The following TNS3 variants were observed in gnomAD, a reference collection of about 807,000 sequenced individuals.
TNS3 encodes tensin 3.
Under a neutral mutation model 140.9 loss-of-function variants are expected in TNS3, and 45 were observed. The ratio of observed to expected loss-of-function variants is 0.32; its 90% confidence interval spans 0.25 to 0.41. The LOEUF (loss-of-function observed/expected upper bound fraction) is 0.41. Ranked by LOEUF, TNS3 falls within the 10% of genes least tolerant of loss-of-function variation. The pLI, the probability that TNS3 is intolerant of heterozygous loss-of-function variation, is 1.00. For synonymous variants in TNS3, 815 were observed against 788.4 expected, an observed-to-expected ratio of 1.03 and a Z score of -0.56; for missense variants, 1,716 against 1,906.7, an observed-to-expected ratio of 0.90 and a Z score of 1.86.
chr7:47,339,733 A>G (rs1788839554), intron 20 of TNS3, among the ~76,000 whole-genome samples: 1 of 152,118 alleles, frequency 6.6e-6, no homozygotes, highest in Non-Finnish European at 1.5e-5. Flanking sequence ...AATCTTGCTG[A>G]GATTTTGATA....
chr7:47,432,694 A>C (rs1459306436), intron 8 of TNS3, among the ~76,000 whole-genome samples: 1 of 152,226 alleles, frequency 6.6e-6, no homozygotes, highest in African/African-American at 2.4e-5. Flanking sequence ...CTACCCCTGC[A>C]TTGTGGGTGG....
intron 4 of TNS3, among the ~76,000 whole-genome samples, chr7:47,448,466 T>A (rs1795857327): frequency 7.0e-6 from 1 of 142,844 alleles, no homozygotes. Flanking sequence ...CCAACTCTGG[T>A]GGGAATTCGA....
At chr7:47,366,250 T>C (rs1036727985) in intron 17 of TNS3, among the ~76,000 whole-genome samples, 1 of 152,210 alleles carries the variant, frequency 6.6e-6, no homozygotes, top group African/African-American at 2.4e-5. Context: ...ACTGCTACCC[T>C]GCTGTGGTGT....
At chr7:47,444,255 C>T (rs1234351035) in intron 4 of TNS3, among the ~76,000 whole-genome samples, 3 of 152,216 alleles carry the variant, frequency 2.0e-5, no homozygotes, top group Non-Finnish European at 4.4e-5. Context: ...CTATATGTGT[C>T]CCACATCTTC....
At chr7:47,532,135 G>GC (rs1799430040) in intron 1 of TNS3, among the ~76,000 whole-genome samples, 1 of 152,066 alleles carries the variant, frequency 6.6e-6, no homozygotes, top group Non-Finnish European at 1.5e-5. Flanking sequence ...TCCTCTCCCG[G>GC]CCCCCCACCT....
chr7:47,530,838 A>ATATATAT (rs1554350246), intron 1 of TNS3, among the ~76,000 whole-genome samples: 23 of 54,564 alleles, frequency 4.2e-4, no homozygotes, highest in African/African-American at 1.3e-3. Flanking sequence ...AAAAAAAAAA[A>ATATATAT]ATATATATAT....
intron 17 of TNS3, among the ~76,000 whole-genome samples, chr7:47,360,525 A>G (rs1358658253): frequency 6.6e-6 from 1 of 152,166 alleles, no homozygotes; most frequent in African/African-American, 2.4e-5. Flanking sequence ...CTCTGATGTG[A>G]GTACCAGGAA....
At chr7:47,439,273 G>T (rs549284874) in intron 6 of TNS3, among the ~76,000 whole-genome samples, 1 of 152,204 alleles carries the variant, frequency 6.6e-6, no homozygotes, top group Non-Finnish European at 1.5e-5. Flanking sequence ...GTCAGCAGTC[G>T]TGTGTCCCTG....
At chr7:47,316,342 C>T (rs942636999) in intron 20 of TNS3, among the ~76,000 whole-genome samples, 1 of 152,272 alleles carries the variant, frequency 6.6e-6, no homozygotes, top group Admixed American at 6.5e-5. Flanking sequence ...AGCCTGAGCT[C>T]TTCTGCCATA....
chr7:47,490,449 T>A (rs778089970), intron 3 of TNS3, among the ~76,000 whole-genome samples: 1 of 152,250 alleles, frequency 6.6e-6, no homozygotes, highest in Non-Finnish European at 1.5e-5. Context: ...GTAAAGGAAC[T>A]CTGCCATTCC....
At chr7:47,362,255 G>A (rs1422502889) in intron 17 of TNS3, among the ~76,000 whole-genome samples, 2 of 152,120 alleles carry the variant, frequency 1.3e-5, no homozygotes, top group Non-Finnish European at 2.9e-5. Flanking sequence ...CATTCTACAA[G>A]AAGGATACAA....
intron 17 of TNS3, among the ~76,000 whole-genome samples, chr7:47,365,675 G>C (rs1224460388): frequency 6.6e-6 from 1 of 151,876 alleles, no homozygotes; most frequent in South Asian, 2.1e-4. Context: ...CAGGAGAATG[G>C]TGCGAACCCG....
chr7:47,278,287 G>A, intron 30 of TNS3, 67 bp from the exon 31 acceptor site: 1 of 1,537,510 alleles, frequency 6.5e-7, no homozygotes, highest in East Asian at 2.3e-5. Context: ...ACTTCCTCCA[G>A]CTGCCAGCGG....
intron 20 of TNS3, among the ~76,000 whole-genome samples, chr7:47,322,213 CAAAAAAA>C (rs759875153): frequency 5.2e-4 from 26 of 49,936 alleles, no homozygotes; most frequent in Admixed American, 4.4e-3. Flanking sequence ...GTAGAACGGG[CAAAAAAA>C]AAAAAAAAAA....
chr7:47,508,003 G>A (rs962733437), intron 2 of TNS3, among the ~76,000 whole-genome samples: 2 of 152,188 alleles, frequency 1.3e-5, no homozygotes, highest in African/African-American at 4.8e-5. Context: ...TTTGAAACTA[G>A]AAAGCAATGT....
intron 23 of TNS3, among the ~76,000 whole-genome samples, chr7:47,300,369 C>A (rs1045793299): frequency 6.6e-6 from 1 of 152,204 alleles, no homozygotes; most frequent in African/African-American, 2.4e-5. Context: ...GGGGTCCTCC[C>A]AGCAAACCTT....
At chr7:47,564,650 CAAA>C (rs397961987) in intron 1 of TNS3, among the ~76,000 whole-genome samples, 5 of 99,110 alleles carry the variant, frequency 5.0e-5, no homozygotes, top group African/African-American at 7.5e-5. Context: ...AAAAAAAAAA[CAAA>C]AAAAAACAAA....
rs1793086642 is a variant in TNS3 at position 47,400,431 on chromosome 7, A to G, written c.881T>C (p.Val294Ala). The change falls in exon 15 of 31, where the codon GTT becomes GCT. Residue 294 changes from valine (V) to alanine (A), a missense_variant. This residue lies in a region of TNS3 where 337 missense variants were observed against 428.9 expected (regional missense o/e 0.79). Transcript: ENST00000311160. ...KDDRFPDYGK[V>A]ELVFSATPEK... is the part of the protein sequence containing the mutation. ...AGGCGTGGCAGAGAAGACTAATTCA[A>G]CCTTCCCATAGTCAGGAAAACGGTC... The G allele has an allele frequency of 1.9e-6, 3 of 1,614,058 alleles. No individual in the cohort carries two copies. Among genetic ancestry groups the G allele is most frequent in the South Asian group, 2.2e-5 (2 of 91,076 alleles).
chr7:47,325,454 A>G (rs978089743), intron 20 of TNS3, among the ~76,000 whole-genome samples: 4 of 152,208 alleles, frequency 2.6e-5, no homozygotes, highest in African/African-American at 9.6e-5. Flanking sequence ...TGCTCAAGGA[A>G]GGCCACAGGC....
Sources: gnomAD v4.1 joint callset for allele counts (sites outside exome capture counted in the v4.1 genomes callset) on GRCh38, gnomAD v4.1.1 for gene constraint, gnomAD v4.1.1 regional missense constraint, MANE v1.5 for transcripts, NCBI Gene and HGNC (gene_info 2026-07-23, HGNC 2026-07-21) for gene names.